The following PACS2 variants were observed in gnomAD, a reference collection of about 807,000 sequenced individuals.
PACS2 encodes phosphofurin acidic cluster sorting protein 2, also known as PACS1-like protein.
PACS2 carries 36 observed loss-of-function variants against 113.0 expected under a neutral mutation model. That is an observed-to-expected ratio of 0.32 (90% CI 0.24 to 0.42). The LOEUF is 0.42. PACS2 is among the 10% of genes least tolerant of loss of function. The pLI is 1.00. For missense variants in PACS2, 1,015 were observed against 1,239.5 expected, an observed-to-expected ratio of 0.82 and a Z score of 2.72; for synonymous variants, 589 against 536.1, an observed-to-expected ratio of 1.10 and a Z score of -1.36.
At position 105,324,937 on chromosome 14, in the gene PACS2, G is replaced by A. The variant is rs934847525; in HGVS notation, c.119+9900G>A. Among the ~76,000 whole-genome samples, 3 of 152,076 alleles carry A rather than the reference G, an allele frequency of 2.0e-5. No homozygotes were observed. The highest frequency in any genetic ancestry group is 7.2e-5 in the African/African-American group (3 of 41,400). On this transcript the variant is annotated intron_variant, in intron 1 of 24. Transcript: ENST00000447393. The surrounding 1 kb of genome is among the most constrained non-coding windows in gnomAD (Gnocchi z 4.7). The stretch of plus-strand genomic sequence containing the variant: ...GGCAAGGGAAGACACTGGGGAAGGG[G>A]TGGGTCTGCCCTTCCTGCTGGGGGT...
At chr14:105,382,667 C>A in intron 14 of PACS2, 86 bp downstream of exon 14, 1 of 993,810 alleles carries the variant, frequency 1.0e-6, no homozygotes, top group Non-Finnish European at 1.6e-6. Flanking sequence ...CCCGGCACAC[C>A]TGGGTGCTGG....
In PACS2 at chr14:105,357,530, C is replaced by T. The variant is rs1555405527; in HGVS notation, c.423+2353C>T. On this transcript the variant is annotated intron_variant, in intron 4 of 24. Transcript: ENST00000447393. The surrounding 1 kb of genome is among the most constrained non-coding windows in gnomAD (Gnocchi z 5.1). ...TTCCACTGGCAGCCTGGTCCCAGAA[C>T]CTAGTTGGGTCCTCCCATGTGTCCC... Among the ~76,000 whole-genome samples the T allele has an allele frequency of 6.6e-6, 1 of 152,188 alleles. No individual in the cohort carries two copies. The highest frequency in any genetic ancestry group is 1.5e-5 in the Non-Finnish European group (1 of 68,036).
rs188731873 is a variant in PACS2, at chr14:105,369,076, G to A, written c.741+537G>A. Among the ~76,000 whole-genome samples, 102 of 152,358 alleles carry A rather than the reference G, an allele frequency of 6.7e-4. 3 individuals carry two copies. The East Asian group carries it at 0.019, about 28-fold the overall frequency. Reference sequence around the variant, plus strand: ...CAAGGACAGGCACGGTTCCAGGGAGGCCAGCGCAGGTGGGCGGGGAGCTCT... The same window carrying A: ...CAAGGACAGGCACGGTTCCAGGGAGACCAGCGCAGGTGGGCGGGGAGCTCT... On this transcript the variant is annotated intron_variant, in intron 7 of 24. Coordinates refer to ENST00000447393, the MANE Select transcript of PACS2 (RefSeq NM_001100913.3).
Position 105,355,416 on chromosome 14 carries a change from G to A in PACS2, c.423+239G>A, listed in dbSNP as rs191402536. ...GCTCCCCGCATGCCTGCAGCCGCGCGCACTCCCCTCTAACGAGCCTGTCCT... is the reference window on the plus strand; with the variant it reads ...GCTCCCCGCATGCCTGCAGCCGCGCACACTCCCCTCTAACGAGCCTGTCCT... On this transcript the variant is annotated intron_variant, in intron 4 of 24. Transcript: ENST00000447393. This position sits in a 1 kb window ranked among gnomAD's most constrained non-coding sequence, Gnocchi z 4.1. Among the ~76,000 whole-genome samples, 21 of 152,356 alleles carry A rather than the reference G, an allele frequency of 1.4e-4. No homozygotes were observed. In the East Asian group the frequency reaches 3.3e-3, roughly 24 times the overall value.
intron 1 of PACS2, among the ~76,000 whole-genome samples, chr14:105,338,722 G>C (rs1186731266): frequency 6.6e-6 from 1 of 152,190 alleles, no homozygotes; most frequent in Non-Finnish European, 1.5e-5. Context: ...TGGGTGCCCA[G>C]GCCTAGCAGT....
In PACS2 at chr14:105,315,847, C is replaced by G. The variant is rs966169570; in HGVS notation, c.119+810C>G. Among the ~76,000 whole-genome samples, 4 of 152,174 alleles carry G rather than the reference C, an allele frequency of 2.6e-5. No individual in the cohort carries two copies. Among genetic ancestry groups the G allele is most frequent in the Non-Finnish European group, 5.9e-5 (4 of 68,022 alleles). ...GCTAAGGAGGAGAGAGACACGCTCT[C>G]CGGAAAAGTTCTGGTTCTAGAATAG... On this transcript the variant is annotated intron_variant, in intron 1 of 24. Coordinates refer to ENST00000447393, the MANE Select transcript of PACS2 (RefSeq NM_001100913.3). This position sits in a 1 kb window ranked among gnomAD's most constrained non-coding sequence, Gnocchi z 4.4.
intron 1 of PACS2, among the ~76,000 whole-genome samples, chr14:105,344,109 G>T (rs914865414): frequency 6.6e-6 from 1 of 151,360 alleles, no homozygotes; most frequent in South Asian, 2.1e-4. Flanking sequence ...GTAGAGACAG[G>T]GTCTCCCTGT....
chr14:105,389,659 C>T (rs2081290349), intron 19 of PACS2: 1 of 440,146 alleles, frequency 2.3e-6, no homozygotes, highest in Non-Finnish European at 4.2e-6. Context: ...GAGTGAATCC[C>T]TCCGTGGAGC....
chr14:105,383,215 CTGGGCT>C, intron 15 of PACS2, 138 bp from the exon 16 acceptor site: 1 of 943,754 alleles, frequency 1.1e-6, no homozygotes, highest in Non-Finnish European at 1.7e-6. Flanking sequence ...TGTGGGGGTC[CTGGGCT>C]TGGGCAGCTC....
chr14:105,315,225 C>G lies in PACS2; in HGVS notation c.119+188C>G, dbSNP rs183686378. On this transcript the variant is annotated intron_variant, in intron 1 of 24. Transcript: ENST00000447393. The surrounding 1 kb of genome is among the most constrained non-coding windows in gnomAD (Gnocchi z 4.4). ...GCAGCTCCGGCAAGCGCGGCCCCAGCCCCCCAGGTCCCGAGCACCGGGGGC... is the reference window on the plus strand; with the variant it reads ...GCAGCTCCGGCAAGCGCGGCCCCAGGCCCCCAGGTCCCGAGCACCGGGGGC... 4.1e-4 allele frequency: 81 copies of G among 195,212 alleles called. 1 individual carries two copies. In the East Asian group the frequency reaches 0.013, roughly 31 times the overall value. 12.1% of individuals were successfully genotyped at this position (195,212 alleles called of 1,614,324 possible). A position where few individuals can be genotyped will look rare whatever the true frequency, so the allele number is the denominator to read the frequency against.
chr14:105,382,186 G>T, intron 13 of PACS2, 128 bp downstream of exon 13: 1 of 1,100,682 alleles, frequency 9.1e-7, no homozygotes, highest in Non-Finnish European at 1.3e-6. Flanking sequence ...CCTGGGCTTT[G>T]GAGGGCTCCT....
At position 105,395,382 on chromosome 14, in the gene PACS2, AGGC is replaced by A. The variant is rs2081503776; in HGVS notation, c.*711_*713del. The A allele has an allele frequency of 6.6e-6, 1 of 150,926 alleles. No homozygotes were observed. The highest frequency in any genetic ancestry group is 2.1e-4 in the South Asian group (1 of 4,762). The allele number at this position is 150,926 out of a possible 1,614,324, so 9.3% of individuals were successfully genotyped here. A position where few individuals can be genotyped will look rare whatever the true frequency, so the allele number is the denominator to read the frequency against. ...CTCAGGCTGTTCTTGAAACACCATG[AGGC>A]TTCTGCGTGTAGTCCCTGCCCCAAA... On this transcript the variant is annotated 3_prime_UTR_variant, in exon 25 of 25. Transcript: ENST00000447393.
In PACS2 at chr14:105,395,885, A is replaced by C. The variant is rs1230266116; in HGVS notation, c.*1213A>C. 2 of 152,214 alleles carry C rather than the reference A, an allele frequency of 1.3e-5. No homozygotes were observed. The highest frequency in any genetic ancestry group is 4.8e-5 in the African/African-American group (2 of 41,398). The allele number at this position is 152,214 out of a possible 1,614,324, so 9.4% of individuals were successfully genotyped here. ...GCCTGCACTGTGGGGTCTCCATAGG[A>C]GGAGCTGGGGAAGCTGGGGCCCTCC... On this transcript the variant is annotated 3_prime_UTR_variant, in exon 25 of 25. Coordinates refer to ENST00000447393, the MANE Select transcript of PACS2 (RefSeq NM_001100913.3).
chr14:105,372,890 A>G (rs2061207702), intron 8 of PACS2: 1 of 152,228 alleles, frequency 6.6e-6, no homozygotes, highest in South Asian at 2.1e-4. Context: ...TGACAGAGCG[A>G]GACTCCGTCT....
chr14:105,329,279 T>C lies in PACS2; in HGVS notation c.119+14242T>C, dbSNP rs1468346388. ...GGGGCCTGGCTGCAGCTGCCCTGTG[T>C]GATCTCTGTCCCCGTCTTCTCCCGG... is the stretch of plus-strand genomic sequence containing the variant. On this transcript the variant is annotated intron_variant, in intron 1 of 24. Transcript: ENST00000447393. This position sits in a 1 kb window ranked among gnomAD's most constrained non-coding sequence, Gnocchi z 6.4. 6.6e-6 allele frequency among the ~76,000 whole-genome samples: 1 copy of C among 152,212 alleles called. No individual in the cohort carries two copies. Among genetic ancestry groups the C allele is most frequent in the African/African-American group, 2.4e-5 (1 of 41,452 alleles).
chr14:105,367,133 A>T, intron 4 of PACS2, 80 bp from the exon 5 acceptor site: 1 of 1,351,566 alleles, frequency 7.4e-7, no homozygotes, highest in East Asian at 2.4e-5. Context: ...AAAGCCCTTC[A>T]GAAACCCCAG....
intron 4 of PACS2, among the ~76,000 whole-genome samples, chr14:105,360,586 G>T (rs936362106): frequency 6.6e-6 from 1 of 151,768 alleles, no homozygotes; most frequent in Non-Finnish European, 1.5e-5. Flanking sequence ...AATCATCTGA[G>T]CCTTCGGGGA....
chr14:105,386,932 C>T (rs1160891271), intron 19 of PACS2, among the ~76,000 whole-genome samples: 4 of 152,202 alleles, frequency 2.6e-5, no homozygotes, highest in African/African-American at 4.8e-5. Flanking sequence ...CATGTTCTGG[C>T]CGCCCGGCCG....
intron 1 of PACS2, among the ~76,000 whole-genome samples, chr14:105,304,387 C>CCTCT (rs1207648436): frequency 6.6e-6 from 1 of 152,096 alleles, no homozygotes; most frequent in Non-Finnish European, 1.5e-5. Flanking sequence ...ACTCGGGAGG[C>CCTCT]TGAGGCAGGA....
Sources: gnomAD v4.1 joint callset for allele counts (sites outside exome capture counted in the v4.1 genomes callset) on GRCh38, gnomAD v4.1.1 for gene constraint, Gnocchi (gnomAD v3.1) non-coding constraint, MANE v1.5 for transcripts, NCBI Gene and HGNC (gene_info 2026-07-23, HGNC 2026-07-21) for gene names.